The following EPHA6 variants were observed in gnomAD, a reference collection of about 807,000 sequenced individuals.
EPHA6 encodes EPH receptor A6.
EPHA6 carries 50 observed loss-of-function variants against 112.0 expected under a neutral mutation model. That is an observed-to-expected ratio of 0.45 (90% CI 0.36 to 0.56). The LOEUF is 0.56. Ranked by LOEUF, EPHA6 falls within the 20% of genes least tolerant of loss-of-function variation. The pLI is 0.00. For synonymous variants in EPHA6, 529 were observed against 490.7 expected (o/e 1.08, Z -1.03); for missense variants, 1,280 against 1,417.4 (o/e 0.90, Z 1.56).
At chr3:97,302,616 G>A (rs1343354102) in intron 5 of EPHA6, among the ~76,000 whole-genome samples, 1 of 151,514 alleles carries the variant, frequency 6.6e-6, no homozygotes, top group Non-Finnish European at 1.5e-5. Context: ...AAGTGCAAAT[G>A]TTTAAAAAAT....
intron 3 of EPHA6, among the ~76,000 whole-genome samples, chr3:97,124,074 T>TA (rs1464099019): frequency 6.6e-6 from 1 of 152,144 alleles, no homozygotes; most frequent in Admixed American, 6.6e-5. Context: ...TTAGTTCCCA[T>TA]AAAAAATTAA....
chr3:97,457,931 G>A (rs1329332954), intron 7 of EPHA6, among the ~76,000 whole-genome samples: 3 of 151,864 alleles, frequency 2.0e-5, no homozygotes, highest in Non-Finnish European at 2.9e-5. Flanking sequence ...AGCCAGGCGT[G>A]GTAGCGGGCG....
intron 1 of EPHA6, among the ~76,000 whole-genome samples, chr3:96,838,382 T>C (rs1188769905): frequency 2.0e-5 from 3 of 152,124 alleles, no homozygotes; most frequent in Non-Finnish European, 4.4e-5. Flanking sequence ...GTCTTTATAA[T>C]AGAATGATTT....
chr3:96,991,971 T>C (rs2043233389), intron 3 of EPHA6, among the ~76,000 whole-genome samples: 1 of 152,110 alleles, frequency 6.6e-6, no homozygotes, highest in Non-Finnish European at 1.5e-5. Context: ...AGAGAATGTT[T>C]TCTGATTAGA....
intron 3 of EPHA6, among the ~76,000 whole-genome samples, chr3:97,213,728 G>A (rs1013898135): frequency 1.3e-5 from 2 of 152,076 alleles, no homozygotes; most frequent in African/African-American, 4.8e-5. Context: ...TCAAATTGCT[G>A]CTTTGTGTAT....
At chr3:97,654,315 ATGCTAT>A (rs2094124817) in intron 14 of EPHA6, among the ~76,000 whole-genome samples, 1 of 151,954 alleles carries the variant, frequency 6.6e-6, no homozygotes, top group African/African-American at 2.4e-5. Context: ...TTAAATAATC[ATGCTAT>A]TGGATAAGTA....
chr3:96,828,619 G>C (rs1207886255), intron 1 of EPHA6, among the ~76,000 whole-genome samples: 1 of 152,140 alleles, frequency 6.6e-6, no homozygotes, highest in East Asian at 1.9e-4. Context: ...TCAGATATTC[G>C]ACCATGGTTT....
intron 15 of EPHA6, among the ~76,000 whole-genome samples, chr3:97,728,506 T>C (rs8180074): frequency 0.98 from 149,367 of 152,226 alleles, 73,302 homozygotes; most frequent in East Asian, 0.99. Flanking sequence ...TAGAGGTCCA[T>C]CTAAGCACTT....
chr3:97,398,472 T>C (rs2086811679), intron 5 of EPHA6, among the ~76,000 whole-genome samples: 1 of 151,454 alleles, frequency 6.6e-6, no homozygotes, highest in Admixed American at 6.6e-5. Context: ...TGTGTCTTAA[T>C]TTAAATGGCA....
chr3:97,167,832 C>G (rs993035420), intron 3 of EPHA6, among the ~76,000 whole-genome samples: 2 of 151,642 alleles, frequency 1.3e-5, no homozygotes, highest in Non-Finnish European at 2.9e-5. Context: ...TATTTGGAAT[C>G]CAAATATTCT....
At chr3:97,152,804 A>T (rs2076201145) in intron 3 of EPHA6, among the ~76,000 whole-genome samples, 2 of 152,116 alleles carry the variant, frequency 1.3e-5, no homozygotes, top group Non-Finnish European at 2.9e-5. Context: ...TTTTCTTCTC[A>T]TGTGAGACAA....
At chr3:97,695,752 G>A (rs1287067072) in intron 14 of EPHA6, among the ~76,000 whole-genome samples, 2 of 152,082 alleles carry the variant, frequency 1.3e-5, no homozygotes, top group African/African-American at 2.4e-5. Context: ...TGTTGGCCAG[G>A]ATAGTCTCGA....
At chr3:97,339,172 G>A (rs2083194025) in intron 5 of EPHA6, among the ~76,000 whole-genome samples, 1 of 152,182 alleles carries the variant, frequency 6.6e-6, no homozygotes. Flanking sequence ...CATGTAATGT[G>A]CAGGCCTACC....
intron 14 of EPHA6, among the ~76,000 whole-genome samples, chr3:97,667,774 C>G (rs1337540819): frequency 6.6e-6 from 1 of 152,042 alleles, no homozygotes; most frequent in Non-Finnish European, 1.5e-5. Flanking sequence ...AATTCTATCC[C>G]CATTTCTCAT....
chr3:97,489,821 C>T (rs1240483780), intron 10 of EPHA6, among the ~76,000 whole-genome samples: 3 of 151,782 alleles, frequency 2.0e-5, no homozygotes, highest in Non-Finnish European at 4.4e-5. Flanking sequence ...ATTTAAATAA[C>T]GTAAAACTAT....
Position 97,757,352 on chromosome 3 carries a change from A to G in EPHA6, c.*8651A>G, listed in dbSNP as rs1473357969. ...ATACATACAATTAGAAAGAAATGTC[A>G]TCAAAATATCAAAAATAGGAAAAAG... On this transcript the variant is annotated 3_prime_UTR_variant, in exon 18 of 18. Coordinates refer to ENST00000389672, the MANE Select transcript of EPHA6 (RefSeq NM_001080448.3). Among the ~76,000 whole-genome samples the G allele has an allele frequency of 6.6e-6, 1 of 151,828 alleles. No individual in the cohort carries two copies. Among genetic ancestry groups the G allele is most frequent in the Non-Finnish European group, 1.5e-5 (1 of 67,736 alleles).
intron 6 of EPHA6, among the ~76,000 whole-genome samples, chr3:97,419,159 G>A (rs576089373): frequency 1.3e-4 from 20 of 151,894 alleles, no homozygotes; most frequent in African/African-American, 4.6e-4. Flanking sequence ...ACAAAATTGC[G>A]GGGCATGGTG....
chr3:96,823,616 G>A (rs2033440545), intron 1 of EPHA6, among the ~76,000 whole-genome samples: 1 of 151,754 alleles, frequency 6.6e-6, no homozygotes, highest in African/African-American at 2.4e-5. Context: ...TAGTCGAGCA[G>A]CAGATTCCAT....
intron 11 of EPHA6, among the ~76,000 whole-genome samples, chr3:97,586,320 G>A (rs969619888): frequency 2.0e-5 from 3 of 152,184 alleles, no homozygotes; most frequent in South Asian, 2.1e-4. Flanking sequence ...AAGGATACGC[G>A]AAATAAAGAT....
Sources: allele counts gnomAD v4.1 joint callset (sites outside exome capture counted in the v4.1 genomes callset), GRCh38; gene constraint gnomAD v4.1.1; transcripts MANE v1.5; gene names NCBI Gene and HGNC (gene_info 2026-07-23, HGNC 2026-07-21).